The following IMP4 variants were observed in gnomAD, a reference collection of about 807,000 sequenced individuals.
The protein encoded by IMP4 is U3 small nucleolar ribonucleoprotein IMP4.
A neutral mutation model predicts 42.7 loss-of-function variants in IMP4; 30 were observed. The ratio of observed to expected loss-of-function variants is 0.70; its 90% CI spans 0.53 to 0.95. The LOEUF (loss-of-function observed/expected upper bound fraction) is 0.95. IMP4 is among the 40% of genes least tolerant of loss of function. The pLI, the probability that IMP4 is intolerant of heterozygous loss-of-function variation, is 0.00. For missense variants in IMP4, 382 were observed against 411.4 expected (o/e 0.93, Z 0.62); for synonymous variants, 165 against 165.2 (o/e 1.00, Z 0.01).
chr2:130,346,888 GC>G lies in IMP4; in HGVS notation c.*421del. On this transcript the variant is annotated 3_prime_UTR_variant, in exon 9 of 9. Coordinates refer to ENST00000259239, the MANE Select transcript of IMP4 (RefSeq NM_033416.3). ...GAGTGGAAGCCGCCAGTGTGCCAAC[GC>G]GGAGGGGACAGGCCACACCCAGTGC... The G allele has an allele frequency of 3.8e-6, 1 of 260,832 alleles. No individual in the cohort carries two copies. Among genetic ancestry groups the G allele is most frequent in the Non-Finnish European group, 7.6e-6 (1 of 131,716 alleles). 16.2% of individuals were successfully genotyped at this position (260,832 alleles called of 1,614,324 possible).
Position 130,345,284 on chromosome 2 carries a change from G to A in IMP4, c.197-92G>A. 1 of 943,640 alleles carries A rather than the reference G, an allele frequency of 1.1e-6. No individual in the cohort carries two copies. The highest frequency in any genetic ancestry group is 1.7e-6 in the Non-Finnish European group (1 of 596,348). 58.5% of individuals were successfully genotyped at this position (943,640 alleles called of 1,614,324 possible). On this transcript the variant is annotated intron_variant, in intron 3 of 8. Coordinates refer to ENST00000259239, the MANE Select transcript of IMP4 (RefSeq NM_033416.3). This position sits in a 1 kb window ranked among gnomAD's most constrained non-coding sequence, Gnocchi z 4.9. ...AGCATTCCTATTGTTGAAGGCTTCGGCAGACAGCGACATCCAGGCGGTCTT... is the reference window on the plus strand; with the variant it reads ...AGCATTCCTATTGTTGAAGGCTTCGACAGACAGCGACATCCAGGCGGTCTT...
rs1679699208 is a variant in IMP4 at position 130,347,910 on chromosome 2, A to G, written c.*1442A>G. ...AAATAGTTTTTCCCACTCTGTAGAT[A>G]TAGCCATTGAGAAGCTCCTCAAGAT... On this transcript the variant is annotated 3_prime_UTR_variant, in exon 9 of 9. Transcript: ENST00000259239. 6.6e-6 allele frequency: 1 copy of G among 152,302 alleles called. No homozygotes were observed. Among genetic ancestry groups the G allele is most frequent in the Non-Finnish European group, 1.5e-5 (1 of 68,078 alleles). The allele number at this position is 152,302 out of a possible 1,614,324, so 9.4% of individuals were successfully genotyped here. A position where few individuals can be genotyped will look rare whatever the true frequency, so the allele number is the denominator to read the frequency against.
chr2:130,346,107 A>G lies in IMP4; in HGVS notation c.684A>G (p.Ser228=), dbSNP rs764021106. The change falls in exon 7 of 9, where the codon TCA becomes TCG. Residue 228 remains serine (S), a synonymous_variant. Transcript: ENST00000259239. ...ITFANQDDYI[S]FRHHVYKKTD... is the part of the protein sequence containing the mutation. The stretch of plus-strand genomic sequence containing the variant: ...TCGCAAACCAGGACGACTACATATC[A>G]TTCCGGTGGGTCCACGGGCCATGCC... The G allele has an allele frequency of 1.3e-5, 21 of 1,613,850 alleles. No individual in the cohort carries two copies. Among genetic ancestry groups the G allele is most frequent in the Non-Finnish European group, 1.7e-5 (20 of 1,179,870 alleles).
Position 130,345,303 on chromosome 2 carries a change from C to T in IMP4, c.197-73C>T, listed in dbSNP as rs961612904. On this transcript the variant is annotated intron_variant, in intron 3 of 8. Transcript: ENST00000259239. The surrounding 1 kb of genome is among the most constrained non-coding windows in gnomAD (Gnocchi z 4.9). Reference sequence around the variant, plus strand: ...GCTTCGGCAGACAGCGACATCCAGGCGGTCTTGGCTGCCCCGAAGTTAGCA... The same window carrying T: ...GCTTCGGCAGACAGCGACATCCAGGTGGTCTTGGCTGCCCCGAAGTTAGCA... The T allele has an allele frequency of 5.1e-5, 57 of 1,124,276 alleles. No homozygotes were observed. Among genetic ancestry groups the T allele is most frequent in the Non-Finnish European group, 6.5e-5 (49 of 753,846 alleles). 69.6% of individuals were successfully genotyped at this position (1,124,276 alleles called of 1,614,324 possible). A position where few individuals can be genotyped will look rare whatever the true frequency, so the allele number is the denominator to read the frequency against.
At chr2:130,343,434 T>C in intron 2 of IMP4, 1 of 698,098 alleles carries the variant, frequency 1.4e-6, no homozygotes, top group South Asian at 1.5e-5. Flanking sequence ...TCCCAAGTTT[T>C]AAAGACTTTA....
At chr2:130,344,850 T>C (rs1679397884) in intron 3 of IMP4, 138 bp downstream of exon 3, 1 of 667,472 alleles carries the variant, frequency 1.5e-6, no homozygotes, top group Admixed American at 2.4e-5. Context: ...ACAGATGGCA[T>C]TGCAGGGCTC....
At chr2:130,343,315 T>C (rs1679196877) in intron 2 of IMP4, 121 bp downstream of exon 2, 2 of 764,100 alleles carry the variant, frequency 2.6e-6, no homozygotes, top group Admixed American at 4.0e-5. Flanking sequence ...TGGGTTCTCC[T>C]GTTGGTTTTG....
In IMP4 at chr2:130,345,299, C is replaced by T. The variant is rs1183921645; in HGVS notation, c.197-77C>T. ...GAAGGCTTCGGCAGACAGCGACATC[C>T]AGGCGGTCTTGGCTGCCCCGAAGTT... On this transcript the variant is annotated intron_variant, in intron 3 of 8. Coordinates refer to ENST00000259239, the MANE Select transcript of IMP4 (RefSeq NM_033416.3). This position sits in a 1 kb window ranked among gnomAD's most constrained non-coding sequence, Gnocchi z 4.9. 9.1e-7 allele frequency: 1 copy of T among 1,096,014 alleles called. No homozygotes were observed. Among genetic ancestry groups the T allele is most frequent in the South Asian group, 1.3e-5 (1 of 74,848 alleles). 67.9% of individuals were successfully genotyped at this position (1,096,014 alleles called of 1,614,324 possible).
chr2:130,345,576 C>G lies in IMP4; in HGVS notation c.316C>G (p.Leu106Val), dbSNP rs367849943. 1.6e-5 allele frequency: 26 copies of G among 1,614,094 alleles called. No homozygotes were observed. The highest frequency in any genetic ancestry group is 2.1e-5 in the Non-Finnish European group (25 of 1,180,046). ...TGCCATCCACGCCCAGGAGCTGAAG[C>G]TGGTGTTCCCGGGCGCCCAGCGAAT... is the stretch of plus-strand genomic sequence containing the variant. ...RLKMFAKELKLVFPGAQRMNR... is the reference protein window; with the variant it reads ...RLKMFAKELKVVFPGAQRMNR... Residue 106 changes from leucine to valine, a missense_variant, in exon 5 of 9, where the codon CTG becomes GTG. Transcript: ENST00000259239. This position sits in a 1 kb window ranked among gnomAD's most constrained non-coding sequence, Gnocchi z 4.9.
chr2:130,346,898 C>T lies in IMP4; in HGVS notation c.*430C>T, dbSNP rs1487191486. On this transcript the variant is annotated 3_prime_UTR_variant, in exon 9 of 9. Transcript: ENST00000259239. ...CGCCAGTGTGCCAACGCGGAGGGGACAGGCCACACCCAGTGCTCAGCAGCT... is the reference window on the plus strand; with the variant it reads ...CGCCAGTGTGCCAACGCGGAGGGGATAGGCCACACCCAGTGCTCAGCAGCT... 4.1e-6 allele frequency: 1 copy of T among 243,940 alleles called. No homozygotes were observed. The highest frequency in any genetic ancestry group is 9.7e-5 in the East Asian group (1 of 10,320). 15.1% of individuals were successfully genotyped at this position (243,940 alleles called of 1,614,324 possible).
chr2:130,347,248 A>T lies in IMP4; in HGVS notation c.*780A>T, dbSNP rs952187389. 6 of 152,014 alleles carry T rather than the reference A, an allele frequency of 3.9e-5. No individual in the cohort carries two copies. Among genetic ancestry groups the T allele is most frequent in the African/African-American group, 1.4e-4 (6 of 41,380 alleles). The allele number at this position is 152,014 out of a possible 1,614,324, so 9.4% of individuals were successfully genotyped here. On this transcript the variant is annotated 3_prime_UTR_variant, in exon 9 of 9. Transcript: ENST00000259239. ...GGTTCTATTTTTAATTTTTTGAGGA[A>T]CCGCCATACTGTTTTCCATAAAGGC... is the stretch of plus-strand genomic sequence containing the variant.
Position 130,346,026 on chromosome 2 carries a change from C to T in IMP4, c.603C>T (p.Asp201=), listed in dbSNP as rs772912452. 5.6e-6 allele frequency: 9 copies of T among 1,614,096 alleles called. No individual in the cohort carries two copies. Among genetic ancestry groups the T allele is most frequent in the South Asian group, 1.1e-5 (1 of 91,090 alleles). The change falls in exon 7 of 9, where the codon GAC becomes GAT. Residue 201 remains aspartate (D), a synonymous_variant. Coordinates refer to ENST00000259239, the MANE Select transcript of IMP4 (RefSeq NM_033416.3). ...CTTTCCTTGTGCCCCAGGTCTCTGACATCCTCCGATACCTATTTCCCGTGC... is the reference window on the plus strand; with the variant it reads ...CTTTCCTTGTGCCCCAGGTCTCTGATATCCTCCGATACCTATTTCCCGTGC... The part of the protein sequence containing the change: ...FSSRLGKRVS[D]ILRYLFPVPK...
rs1220676792 is a variant in IMP4 at position 130,343,085 on chromosome 2, GCTGCGCCGCGAGGCCCGC to G, written c.16_33del (p.Ala6_Glu11del). The G allele has an allele frequency of 1.0e-5, 16 of 1,565,230 alleles. No individual in the cohort carries two copies. The highest frequency in any genetic ancestry group is 2.3e-5 in the East Asian group (1 of 42,672). On this transcript the variant is annotated inframe_deletion and splice_region_variant, in exon 2 of 9. Coordinates refer to ENST00000259239, the MANE Select transcript of IMP4 (RefSeq NM_033416.3). ...AGTGACTGGGCCTGCTGTTCCCACA[GCTGCGCCGCGAGGCCCGC>G]CTGCGCCGCGAGTACCTGTACCGCA...
chr2:130,345,991 G>T lies in IMP4; in HGVS notation c.595-27G>T, dbSNP rs376755153. On this transcript the variant is annotated intron_variant, in intron 6 of 8. Transcript: ENST00000259239. This position sits in a 1 kb window ranked among gnomAD's most constrained non-coding sequence, Gnocchi z 4.9. ...GGCCAGGCCAGGCATTTGCCACTCT[G>T]TTTCCCTCTCTTTCCTTGTGCCCCA... is the stretch of plus-strand genomic sequence containing the variant. 1.2e-6 allele frequency: 2 copies of T among 1,614,190 alleles called. No individual in the cohort carries two copies. The highest frequency in any genetic ancestry group is 2.7e-5 in the African/African-American group (2 of 75,058).
chr2:130,343,209 C>T lies in IMP4; in HGVS notation c.112+15C>T. On this transcript the variant is annotated intron_variant, in intron 2 of 8. Transcript: ENST00000259239. ...CGCGCTGGAAGGTAAGGCATCGGCC[C>T]CGCGGGCGTCTGCGTGGTAAACCAC... 2 of 1,516,330 alleles carry T rather than the reference C, an allele frequency of 1.3e-6. No individual in the cohort carries two copies. Among genetic ancestry groups the T allele is most frequent in the South Asian group, 2.4e-5 (2 of 83,516 alleles). 93.9% of individuals were successfully genotyped at this position (1,516,330 alleles called of 1,614,324 possible). A position where few individuals can be genotyped will look rare whatever the true frequency, so the allele number is the denominator to read the frequency against.
intron 2 of IMP4, among the ~76,000 whole-genome samples, chr2:130,343,764 C>T (rs2104884327): frequency 6.6e-6 from 1 of 151,662 alleles, no homozygotes; most frequent in East Asian, 2.0e-4. Flanking sequence ...AAGAAATTCT[C>T]TCTAAAGACT....
rs1573840319 is a variant in IMP4 at position 130,345,244 on chromosome 2, C to T, written c.197-132C>T. ...GAGTAGTTGGAGGCTGCCCTCTTGCCCGGTGTGCATGTGGAGCATTCCTAT... is the reference window on the plus strand; with the variant it reads ...GAGTAGTTGGAGGCTGCCCTCTTGCTCGGTGTGCATGTGGAGCATTCCTAT... On this transcript the variant is annotated intron_variant, in intron 3 of 8. Transcript: ENST00000259239. The surrounding 1 kb of genome is among the most constrained non-coding windows in gnomAD (Gnocchi z 4.9). 8 of 692,588 alleles carry T rather than the reference C, an allele frequency of 1.2e-5. No homozygotes were observed. Among genetic ancestry groups the T allele is most frequent in the Non-Finnish European group, 1.8e-5 (7 of 384,276 alleles). 42.9% of individuals were successfully genotyped at this position (692,588 alleles called of 1,614,324 possible).
At position 130,345,013 on chromosome 2, in the gene IMP4, G is replaced by A. The variant is rs950263462; in HGVS notation, c.196+301G>A. On this transcript the variant is annotated intron_variant, in intron 3 of 8. Coordinates refer to ENST00000259239, the MANE Select transcript of IMP4 (RefSeq NM_033416.3). The surrounding 1 kb of genome is among the most constrained non-coding windows in gnomAD (Gnocchi z 4.9). Reference sequence around the variant, plus strand: ...ATTGGTGCCCATACGTTTATTCACTGCATTATTCAAGAAACAAGAAAGGAA... The same window carrying A: ...ATTGGTGCCCATACGTTTATTCACTACATTATTCAAGAAACAAGAAAGGAA... 1.6e-5 allele frequency: 9 copies of A among 558,050 alleles called. No homozygotes were observed. In the Admixed American group the frequency reaches 2.5e-4, roughly 16 times the overall value. 34.6% of individuals were successfully genotyped at this position (558,050 alleles called of 1,614,324 possible).
intron 2 of IMP4, chr2:130,343,411 T>C: frequency 1.4e-6 from 1 of 711,436 alleles, no homozygotes; most frequent in Non-Finnish European, 2.6e-6. Flanking sequence ...CTGTGTGCAG[T>C]GTGTCAAGTT....
Sources: gnomAD v4.1 joint callset for allele counts (sites outside exome capture counted in the v4.1 genomes callset) on GRCh38, gnomAD v4.1.1 for gene constraint, Gnocchi (gnomAD v3.1) non-coding constraint, MANE v1.5 for transcripts, NCBI Gene and HGNC (gene_info 2026-07-23, HGNC 2026-07-21) for gene names.